Variants in PHIP observed in about 807,000 individuals in gnomAD.
The protein encoded by PHIP is PHIP subunit of CUL4-Ring ligase complex.
PHIP carries 54 observed loss-of-function variants against 236.8 expected under a neutral mutation model. The observed-to-expected ratio is 0.23, with a 90% CI of 0.18 to 0.29. PHIP has a LOEUF of 0.29. Ranked by LOEUF, PHIP falls within the 10% of genes least tolerant of loss-of-function variation. The pLI is 1.00. For missense variants in PHIP, 1,370 were observed against 2,190.8 expected, an observed-to-expected ratio of 0.63 and a Z score of 7.48; for synonymous variants, 756 against 718.9, an observed-to-expected ratio of 1.05 and a Z score of -0.83.
rs148507123 is a variant in PHIP at position 78,958,618 on chromosome 6, T to A, written c.3657-18A>T. ...AAACCCGCCTTAAAAAAACAAAATA[T>A]AGAAGTTTTAACTTCCTTATATTTA... is the stretch of plus-strand genomic sequence containing the variant. On this transcript the variant is annotated intron_variant, in intron 31 of 39. Transcript: ENST00000275034. 13,455 of 1,478,278 alleles carry A rather than the reference T, an allele frequency of 9.1e-3. 89 individuals carry two copies. Among genetic ancestry groups the A allele is most frequent in the Non-Finnish European group, 0.01 (11,073 of 1,065,612 alleles). 91.6% of individuals were successfully genotyped at this position (1,478,278 alleles called of 1,614,324 possible).
At chr6:79,007,331 T>C (rs1770336879) in intron 15 of PHIP, among the ~76,000 whole-genome samples, 1 of 152,064 alleles carries the variant, frequency 6.6e-6, no homozygotes, top group South Asian at 2.1e-4. Flanking sequence ...AATAGGTAAA[T>C]CACCTAATCT....
chr6:79,071,387 CATT>C (rs543516207), intron 4 of PHIP, among the ~76,000 whole-genome samples: 45 of 152,306 alleles, frequency 3.0e-4, no homozygotes, highest in African/African-American at 1.1e-3. Context: ...GGTCCAATAA[CATT>C]ATTCACTGCA....
chr6:78,965,296 C>G (rs1362891910), intron 29 of PHIP, among the ~76,000 whole-genome samples: 1 of 152,020 alleles, frequency 6.6e-6, no homozygotes, highest in African/African-American at 2.4e-5. Flanking sequence ...TGGAACTTGC[C>G]AAGATCACAT....
chr6:78,974,695 C>T (rs1309440343), intron 24 of PHIP, among the ~76,000 whole-genome samples: 1 of 152,064 alleles, frequency 6.6e-6, no homozygotes, highest in East Asian at 1.9e-4. Context: ...GGGGATATCA[C>T]CACCGATCCC....
chr6:78,987,485 AAT>A (rs1562155198), intron 21 of PHIP, among the ~76,000 whole-genome samples: 1 of 152,118 alleles, frequency 6.6e-6, no homozygotes, highest in African/African-American at 2.4e-5. Context: ...GGATAAAGAG[AAT>A]ATATTTAGAG....
At chr6:79,072,549 C>T (rs1194959681) in intron 4 of PHIP, among the ~76,000 whole-genome samples, 1 of 151,914 alleles carries the variant, frequency 6.6e-6, no homozygotes, top group East Asian at 1.9e-4. Context: ...TGGCATGGGG[C>T]ACAGCTTATT....
intron 24 of PHIP, among the ~76,000 whole-genome samples, chr6:78,976,594 C>A (rs1323017139): frequency 7.1e-5 from 10 of 140,520 alleles, no homozygotes; most frequent in African/African-American, 2.6e-4. Context: ...AGGCAACCTA[C>A]AAAATGGGAG....
At chr6:78,980,215 T>G (rs1201772484) in intron 23 of PHIP, among the ~76,000 whole-genome samples, 1 of 151,704 alleles carries the variant, frequency 6.6e-6, no homozygotes, top group African/African-American at 2.4e-5. Flanking sequence ...GTATTGTCTA[T>G]AAATGCTATT....
At chr6:78,947,965 C>A (rs1384629257) in intron 35 of PHIP, among the ~76,000 whole-genome samples, 190 bp from the exon 36 acceptor site, 1 of 151,464 alleles carries the variant, frequency 6.6e-6, no homozygotes, top group Non-Finnish European at 1.5e-5. Flanking sequence ...CCCCCTTATA[C>A]TGCAATCAAC....
Position 79,021,645 on chromosome 6 carries a change from T to C in PHIP, c.924-2486A>G, listed in dbSNP as rs561983265. Among the ~76,000 whole-genome samples, 4 of 152,314 alleles carry C rather than the reference T, an allele frequency of 2.6e-5. No homozygotes were observed. The East Asian group carries it at 5.8e-4, about 22-fold the overall frequency. On this transcript the variant is annotated intron_variant, in intron 9 of 39. Transcript: ENST00000275034. ...CAGGCACAGAAAGACAAACATCACA[T>C]GTTCTCACTTATTTTGGGGATCTAA... is the stretch of plus-strand genomic sequence containing the variant.
At chr6:78,987,416 T>C (rs1028287788) in intron 21 of PHIP, among the ~76,000 whole-genome samples, 37 of 152,124 alleles carry the variant, frequency 2.4e-4, no homozygotes, top group African/African-American at 8.9e-4. Flanking sequence ...CCCAAAGCTA[T>C]TGGAGACTAA....
rs369141065 is a variant in PHIP at position 78,942,313 on chromosome 6, T to C, written c.4829-983A>G. 5.9e-5 allele frequency among the ~76,000 whole-genome samples: 9 copies of C among 152,212 alleles called. No homozygotes were observed. The East Asian group carries it at 1.5e-3, about 26-fold the overall frequency. On this transcript the variant is annotated intron_variant, in intron 39 of 39. Coordinates refer to ENST00000275034, the MANE Select transcript of PHIP (RefSeq NM_017934.7). ...GCCTGGCCAACATGGCGAAACCCCG[T>C]CTCTACTAAAAGTACAAAAAGTAGC...
At chr6:79,034,045 T>A (rs894304963) in intron 7 of PHIP, among the ~76,000 whole-genome samples, 2 of 152,074 alleles carry the variant, frequency 1.3e-5, no homozygotes, top group South Asian at 4.1e-4. Flanking sequence ...AGACTTACAA[T>A]AGGAACATCA....
At chr6:79,072,114 G>A (rs535488315) in intron 4 of PHIP, among the ~76,000 whole-genome samples, 1 of 152,244 alleles carries the variant, frequency 6.6e-6, no homozygotes, top group Non-Finnish European at 1.5e-5. Context: ...TCTCTTCTCT[G>A]ACAGTTTCCA....
chr6:78,948,043 T>C (rs537038612), intron 35 of PHIP, among the ~76,000 whole-genome samples: 4 of 152,128 alleles, frequency 2.6e-5, no homozygotes, highest in African/African-American at 7.2e-5. Flanking sequence ...GATGGAGTTG[T>C]ATTGGAAAAG....
rs142649777 is a variant in PHIP, at chr6:78,952,611, A to G, written c.4053+2203T>C. On this transcript the variant is annotated intron_variant, in intron 35 of 39. Coordinates refer to ENST00000275034, the MANE Select transcript of PHIP (RefSeq NM_017934.7). ...CCTTCACACTCTTAATCTCTTTATC[A>G]TTCTGTGTGGGATTCTATAGAATTT... 6.4e-4 allele frequency among the ~76,000 whole-genome samples: 97 copies of G among 151,924 alleles called. 1 individual carries two copies. In the South Asian group the frequency reaches 8.1e-3, roughly 13 times the overall value.
intron 4 of PHIP, among the ~76,000 whole-genome samples, chr6:79,074,704 G>T (rs9343869): frequency 6.6e-6 from 1 of 151,806 alleles, no homozygotes; most frequent in Non-Finnish European, 1.5e-5. Flanking sequence ...CATAAGATAC[G>T]ACCATTTCCT....
intron 35 of PHIP, among the ~76,000 whole-genome samples, chr6:78,949,718 C>T (rs1298599943): frequency 2.0e-5 from 3 of 151,640 alleles, no homozygotes; most frequent in African/African-American, 7.3e-5. Flanking sequence ...GAGATAGGGT[C>T]TCACTCTATT....
chr6:78,950,884 T>C (rs1774103482), intron 35 of PHIP, among the ~76,000 whole-genome samples: 1 of 152,162 alleles, frequency 6.6e-6, no homozygotes, highest in African/African-American at 2.4e-5. Flanking sequence ...GGCTTACCTT[T>C]GGGTGATTTT....
Sources: allele counts gnomAD v4.1 joint callset (sites outside exome capture counted in the v4.1 genomes callset), GRCh38; gene constraint gnomAD v4.1.1; transcripts MANE v1.5; gene names NCBI Gene and HGNC (gene_info 2026-07-23, HGNC 2026-07-21).